The following SNX29 variants were observed in gnomAD, a reference collection of about 807,000 sequenced individuals.
The protein encoded by SNX29 is sorting nexin-29.
SNX29 carries 78 observed loss-of-function variants against 102.1 expected under a neutral mutation model. The observed-to-expected ratio is 0.76, with a 90% CI of 0.64 to 0.92. The LOEUF (loss-of-function observed/expected upper bound fraction) is 0.92. Ranked by LOEUF, SNX29 falls within the 40% of genes least tolerant of loss-of-function variation. SNX29 has a pLI of 0.00. For missense variants in SNX29, 1,280 were observed against 1,061.7 expected (o/e 1.21, Z -2.86); for synonymous variants, 580 against 414.5 (o/e 1.40, Z -4.85).
chr16:12,365,808 C>T (rs547568629), intron 16 of SNX29, among the ~76,000 whole-genome samples: 3 of 151,374 alleles, frequency 2.0e-5, no homozygotes, highest in East Asian at 2.0e-4. Context: ...TTTGGGAGGC[C>T]GAGGCAGGCG....
Position 12,569,119 on chromosome 16 carries a change from TTG to T in SNX29, c.*491_*492del, listed in dbSNP as rs2079129717. The T allele has an allele frequency of 1.7e-4, 3 of 17,910 alleles. No individual in the cohort carries two copies. The highest frequency in any genetic ancestry group is 1.5e-3 in the African/African-American group (2 of 1,334). The allele number at this position is 17,910 out of a possible 1,614,324, so 1.1% of individuals were successfully genotyped here. A position where few individuals can be genotyped will look rare whatever the true frequency, so the allele number is the denominator to read the frequency against. ...TGGCCTAACCTAGGGATGGCTGGCT[TTG>T]CGGGGGGGGGGGGGGGGGGGGGCAT... is the stretch of plus-strand genomic sequence containing the variant. On this transcript the variant is annotated 3_prime_UTR_variant, in exon 21 of 21. Coordinates refer to ENST00000566228, the MANE Select transcript of SNX29 (RefSeq NM_032167.5).
intron 15 of SNX29, among the ~76,000 whole-genome samples, chr16:12,314,929 A>G (rs1040425735): frequency 6.6e-5 from 10 of 152,216 alleles, no homozygotes; most frequent in African/African-American, 2.2e-4. Flanking sequence ...TCTTCTCAAT[A>G]ATCCTTGAGT....
rs543163674 is a variant in SNX29 at position 12,296,212 on chromosome 16, G to A, written c.1782+18176G>A. 3.9e-5 allele frequency among the ~76,000 whole-genome samples: 6 copies of A among 152,328 alleles called. No homozygotes were observed. The South Asian group carries it at 8.3e-4, about 21-fold the overall frequency. ...TTTCTCTGTAAATATCATAATGACT[G>A]CCTTCCTGGTGTTAGAGGTTTGAAC... On this transcript the variant is annotated intron_variant, in intron 15 of 20. Transcript: ENST00000566228.
chr16:12,302,829 C>A (rs112626016), intron 15 of SNX29, among the ~76,000 whole-genome samples: 6,162 of 152,286 alleles, frequency 0.04, 221 homozygotes, highest in African/African-American at 0.09. Flanking sequence ...TTTTAAAAGA[C>A]ATCTCATCAG....
intron 13 of SNX29, among the ~76,000 whole-genome samples, chr16:12,159,367 C>T (rs901685983): frequency 6.6e-6 from 1 of 152,188 alleles, no homozygotes; most frequent in African/African-American, 2.4e-5. Context: ...ACTAGCAATC[C>T]CAGTATTGAG....
chr16:12,560,468 G>GGA (rs2078660818), intron 20 of SNX29, among the ~76,000 whole-genome samples: 1 of 152,088 alleles, frequency 6.6e-6, no homozygotes, highest in African/African-American at 2.4e-5. Context: ...TTCTTGCCTG[G>GGA]GAGTCACACT....
rs1316733447 is a variant in SNX29 at position 12,568,583 on chromosome 16, A to C, written c.2396A>C (p.Gln799Pro). 1.2e-6 allele frequency: 2 copies of C among 1,607,086 alleles called. No homozygotes were observed. Among genetic ancestry groups the C allele is most frequent in the East Asian group, 2.2e-5 (1 of 44,854 alleles). The change falls in exon 21 of 21, where the codon CAG (glutamine) becomes CCG (proline). Residue 799 changes from glutamine to proline, a missense_variant. Gln to Pro is a moderately conservative substitution (Grantham distance 76). Coordinates refer to ENST00000566228, the MANE Select transcript of SNX29 (RefSeq NM_032167.5). The stretch of plus-strand genomic sequence containing the variant: ...CGCTTCCCCAAACTGTCCCGGGGTC[A>C]GCCCCGGGAGACCCGCAACGTGGAG... ...ASRFPKLSRG[Q>P]PRETRNVEPQ... is the part of the protein sequence containing the mutation.
At chr16:12,130,668 G>A (rs1040624149) in intron 13 of SNX29, among the ~76,000 whole-genome samples, 4 of 151,950 alleles carry the variant, frequency 2.6e-5, no homozygotes, top group Admixed American at 1.3e-4. Flanking sequence ...ACTGTTCCCA[G>A]AGATATTCCC....
At chr16:12,458,147 G>T (rs1411610517) in intron 18 of SNX29, among the ~76,000 whole-genome samples, 1 of 152,138 alleles carries the variant, frequency 6.6e-6, no homozygotes, top group Non-Finnish European at 1.5e-5. Flanking sequence ...CTTCACCTTG[G>T]GCTCTGCACT....
intron 1 of SNX29, among the ~76,000 whole-genome samples, chr16:11,992,333 A>G (rs2055884761): frequency 6.6e-6 from 1 of 152,110 alleles, no homozygotes; most frequent in African/African-American, 2.4e-5. Flanking sequence ...TTCACAAAAC[A>G]AAGAATTAAC....
At chr16:12,087,402 G>A (rs1248878359) in intron 11 of SNX29, 1 of 178,996 alleles carries the variant, frequency 5.6e-6, no homozygotes, top group Non-Finnish European at 1.2e-5. Flanking sequence ...GGGCAACAGA[G>A]TGAGACTCTA....
At chr16:12,323,971 G>A (rs1017704660) in intron 15 of SNX29, among the ~76,000 whole-genome samples, 1 of 152,166 alleles carries the variant, frequency 6.6e-6, no homozygotes, top group Non-Finnish European at 1.5e-5. Flanking sequence ...GAGATTGATT[G>A]TAAGTGTTCT....
At chr16:12,022,064 A>G (rs2057040875) in intron 3 of SNX29, among the ~76,000 whole-genome samples, 1 of 149,150 alleles carries the variant, frequency 6.7e-6, no homozygotes, top group Admixed American at 6.7e-5. Context: ...CTGCTTTATC[A>G]GACTTTTACT....
chr16:12,387,653 T>C (rs2083385216), intron 16 of SNX29, among the ~76,000 whole-genome samples: 1 of 152,206 alleles, frequency 6.6e-6, no homozygotes, highest in East Asian at 1.9e-4. Context: ...GTACTGGCTC[T>C]GTTTTACAGA....
chr16:11,981,114 C>T (rs1285851834), intron 1 of SNX29, among the ~76,000 whole-genome samples: 1 of 151,916 alleles, frequency 6.6e-6, no homozygotes, highest in African/African-American at 2.4e-5. Flanking sequence ...ACTACAGGTG[C>T]ACACCCCCAC....
intron 4 of SNX29, 78 bp downstream of exon 4, chr16:12,027,522 TG>T: frequency 6.4e-7 from 1 of 1,562,056 alleles, no homozygotes. Context: ...TTTTTAATAG[TG>T]GGCAGGGCAG....
chr16:12,224,816 G>A (rs540401693), intron 14 of SNX29, among the ~76,000 whole-genome samples: 1 of 152,252 alleles, frequency 6.6e-6, no homozygotes, highest in South Asian at 2.1e-4. Flanking sequence ...TGTGTTTACA[G>A]TAATGAGCCC....
intron 20 of SNX29, among the ~76,000 whole-genome samples, chr16:12,566,243 C>G (rs571122971): frequency 6.6e-6 from 1 of 152,324 alleles, no homozygotes. Context: ...AAATGACAGA[C>G]AAGGAAACCA....
chr16:12,069,001 T>C (rs1456931414), intron 9 of SNX29, 56 bp from the exon 10 acceptor site: 6 of 1,537,660 alleles, frequency 3.9e-6, no homozygotes, highest in African/African-American at 1.4e-5. Context: ...CTTTGTCTTA[T>C]GGAGAACATG....
Sources: allele counts gnomAD v4.1 joint callset (sites outside exome capture counted in the v4.1 genomes callset), GRCh38; gene constraint gnomAD v4.1.1; transcripts MANE v1.5; gene names NCBI Gene and HGNC (gene_info 2026-07-23, HGNC 2026-07-21).